Variants in ACAP2 observed in about 807,000 individuals in gnomAD.
The protein encoded by ACAP2 is arf-GAP with coiled-coil, ANK repeat and PH domain-containing protein 2.
ACAP2 carries 39 observed loss-of-function variants against 115.8 expected under a neutral mutation model. That is an observed-to-expected ratio of 0.34 (90% confidence interval 0.26 to 0.44). The LOEUF is 0.44. ACAP2 is among the 20% of genes least tolerant of loss of function. The pLI, the probability that ACAP2 is intolerant of heterozygous loss-of-function variation, is 1.00. For missense variants in ACAP2, 662 were observed against 927.6 expected (o/e 0.71, Z 3.72); for synonymous variants, 289 against 315.8 (o/e 0.92, Z 0.90).
intron 17 of ACAP2, 145 bp downstream of exon 17, chr3:195,295,563 C>G (rs1281771388): frequency 1.2e-6 from 1 of 858,036 alleles, no homozygotes; most frequent in Admixed American, 2.9e-5. Context: ...TTTAAAGACA[C>G]AGAAATTCAG....
intron 1 of ACAP2, among the ~76,000 whole-genome samples, chr3:195,415,963 A>C (rs1713687081): frequency 6.6e-6 from 1 of 152,192 alleles, no homozygotes; most frequent in Non-Finnish European, 1.5e-5. Flanking sequence ...TCAAAAAGAA[A>C]TGGACAAACA....
chr3:195,277,229 T>C lies in ACAP2; in HGVS notation c.*2099A>G, dbSNP rs1345530840. On this transcript the variant is annotated 3_prime_UTR_variant, in exon 23 of 23. Transcript: ENST00000326793. The stretch of plus-strand genomic sequence containing the variant: ...GGGACACTATAAAGGAAAAGTGAGG[T>C]TTTTTCTTTTTCTTTAACGTACTTC... 1 of 152,024 alleles carries C rather than the reference T, an allele frequency of 6.6e-6. No individual in the cohort carries two copies. Among genetic ancestry groups the C allele is most frequent in the African/African-American group, 2.4e-5 (1 of 41,380 alleles). The allele number at this position is 152,024 out of a possible 1,614,324, so 9.4% of individuals were successfully genotyped here.
At chr3:195,345,355 T>A in intron 4 of ACAP2, 38 bp from the exon 5 acceptor site, 1 of 1,298,482 alleles carries the variant, frequency 7.7e-7, no homozygotes, top group Non-Finnish European at 1.1e-6. Context: ...ATTAGAAAAG[T>A]AAACAAAATA....
intron 9 of ACAP2, among the ~76,000 whole-genome samples, chr3:195,321,440 C>T (rs1729447582): frequency 6.6e-6 from 1 of 151,634 alleles, no homozygotes; most frequent in African/African-American, 2.4e-5. Flanking sequence ...TCTTGAATTC[C>T]TGACCTCAGG....
intron 1 of ACAP2, 145 bp from the exon 2 acceptor site, chr3:195,392,292 TCA>T: frequency 1.5e-6 from 1 of 645,838 alleles, no homozygotes; most frequent in East Asian, 2.9e-5. Flanking sequence ...GAATTTAGTA[TCA>T]ATACTTCATA....
intron 1 of ACAP2, among the ~76,000 whole-genome samples, chr3:195,438,336 T>C (rs928906308): frequency 1.3e-5 from 2 of 151,858 alleles, no homozygotes; most frequent in African/African-American, 4.8e-5. Context: ...TCAGGATTCC[T>C]GTATTTTGGT....
At chr3:195,309,471 G>A (rs2410804) in intron 10 of ACAP2, among the ~76,000 whole-genome samples, 29,844 of 151,550 alleles carry the variant, frequency 0.2, 3,875 homozygotes, top group East Asian at 0.71. Context: ...ACTTGAACCC[G>A]GGAGGCAGAG....
chr3:195,320,818 AC>A lies in ACAP2; in HGVS notation c.745-6del, dbSNP rs1280893564. The stretch of plus-strand genomic sequence containing the variant: ...AGAATCATCACTGGAGAAATCCTAC[AC>A]AAAATAACACATAAAGAAGTTCATA... On this transcript the variant is annotated splice_region_variant and splice_polypyrimidine_tract_variant and intron_variant, in intron 9 of 22. Coordinates refer to ENST00000326793, the MANE Select transcript of ACAP2 (RefSeq NM_012287.6). The A allele has an allele frequency of 6.3e-7, 1 of 1,587,836 alleles. No homozygotes were observed. The highest frequency in any genetic ancestry group is 1.3e-5 in the African/African-American group (1 of 74,396).
At chr3:195,425,893 A>G (rs1714650576) in intron 1 of ACAP2, among the ~76,000 whole-genome samples, 1 of 152,132 alleles carries the variant, frequency 6.6e-6, no homozygotes, top group African/African-American at 2.4e-5. Context: ...CAGCCTGATA[A>G]CTAGTTTCCT....
intron 1 of ACAP2, among the ~76,000 whole-genome samples, chr3:195,398,406 A>AG (rs777315077): frequency 1.3e-5 from 2 of 152,128 alleles, no homozygotes; most frequent in Non-Finnish European, 2.9e-5. Flanking sequence ...GCACTTTGGG[A>AG]GGCCAAGGCA....
At chr3:195,344,526 T>C (rs9859902) in intron 5 of ACAP2, among the ~76,000 whole-genome samples, 44,516 of 151,794 alleles carry the variant, frequency 0.29, 7,493 homozygotes, top group East Asian at 0.72. Flanking sequence ...ACAAAAATCA[T>C]GTACTTTTTT....
At chr3:195,400,680 T>A (rs1712207529) in intron 1 of ACAP2, among the ~76,000 whole-genome samples, 1 of 152,186 alleles carries the variant, frequency 6.6e-6, no homozygotes, top group Non-Finnish European at 1.5e-5. Flanking sequence ...TTGTTATTAG[T>A]AGAGTGTCAC....
At chr3:195,423,605 AAAGT>A (rs1403340032) in intron 1 of ACAP2, among the ~76,000 whole-genome samples, 1 of 148,278 alleles carries the variant, frequency 6.7e-6, no homozygotes, top group African/African-American at 2.5e-5. Flanking sequence ...CCCAGACAAC[AAAGT>A]AAGACTCCGT....
At chr3:195,298,923 G>A (rs372072869) in intron 15 of ACAP2, among the ~76,000 whole-genome samples, 3 of 152,068 alleles carry the variant, frequency 2.0e-5, no homozygotes, top group African/African-American at 7.2e-5. Flanking sequence ...CAGCCACTGC[G>A]CCCAGCCTTC....
In ACAP2 at chr3:195,291,825, A is replaced by C. The variant is rs571280154; in HGVS notation, c.1954-10T>G. 1.9e-5 allele frequency: 31 copies of C among 1,600,910 alleles called. No individual in the cohort carries two copies. In the Admixed American group the frequency reaches 2.8e-4, roughly 14 times the overall value. On this transcript the variant is annotated splice_polypyrimidine_tract_variant and intron_variant, in intron 19 of 22. Coordinates refer to ENST00000326793, the MANE Select transcript of ACAP2 (RefSeq NM_012287.6). ...ACGTCACCAAAGAGCCCTTAAAGGA[A>C]AAAAGAGGATAACTATAGACAAAAG...
intron 1 of ACAP2, among the ~76,000 whole-genome samples, chr3:195,437,318 T>C (rs1715623192): frequency 6.6e-6 from 1 of 152,130 alleles, no homozygotes; most frequent in Non-Finnish European, 1.5e-5. Flanking sequence ...GTTGAGATTA[T>C]AGCATAAGCT....
chr3:195,302,082 C>A lies in ACAP2; in HGVS notation c.1209G>T (p.Gln403His), dbSNP rs1304103741. 7 of 1,614,060 alleles carry A rather than the reference C, an allele frequency of 4.3e-6. No homozygotes were observed. Among genetic ancestry groups the A allele is most frequent in the East Asian group, 2.2e-5 (1 of 44,900 alleles). ...CATTGCCAGGGATACACTGGACCCGCTGAAGCGCACTTTCTCCTTTCAATA... is the reference window on the plus strand; with the variant it reads ...CATTGCCAGGGATACACTGGACCCGATGAAGCGCACTTTCTCCTTTCAATA... ...EKLLKGESAL[Q>H]RVQCIPGNAS... Residue 403 changes from glutamine (Q) to histidine (H), a missense_variant, in exon 14 of 23, where the codon CAG (glutamine) becomes CAT (histidine). Transcript: ENST00000326793.
At chr3:195,377,279 G>A (rs1401138031) in intron 4 of ACAP2, among the ~76,000 whole-genome samples, 1 of 151,250 alleles carries the variant, frequency 6.6e-6, no homozygotes, top group Non-Finnish European at 1.5e-5. Flanking sequence ...TGAGTAGCTG[G>A]GATTACAGGC....
At chr3:195,418,036 C>T (rs1358359888) in intron 1 of ACAP2, among the ~76,000 whole-genome samples, 1 of 152,156 alleles carries the variant, frequency 6.6e-6, no homozygotes, top group East Asian at 1.9e-4. Flanking sequence ...TCAAAAGGCC[C>T]ATGATCTGAC....
Sources: gnomAD v4.1 joint callset for allele counts (sites outside exome capture counted in the v4.1 genomes callset) on GRCh38, gnomAD v4.1.1 for gene constraint, MANE v1.5 for transcripts, NCBI Gene and HGNC (gene_info 2026-07-23, HGNC 2026-07-21) for gene names.